The following ROR1 variants were observed in gnomAD, a reference collection of about 807,000 sequenced individuals.
ROR1 encodes the protein ROR family WNT receptor 1, also known as inactive tyrosine-protein kinase transmembrane receptor ROR1.
Under a neutral mutation model 78.8 loss-of-function variants are expected in ROR1, and 19 were observed. The ratio of observed to expected loss-of-function variants is 0.24; its 90% confidence interval spans 0.17 to 0.35. The LOEUF is 0.35. Ranked by LOEUF, ROR1 falls within the 10% of genes least tolerant of loss-of-function variation. The pLI is 1.00. For missense variants in ROR1, 917 were observed against 1,177.8 expected (o/e 0.78, Z 3.24); for synonymous variants, 386 against 433.6 (o/e 0.89, Z 1.36).
chr1:64,073,534 C>CT (rs138617058), intron 4 of ROR1, among the ~76,000 whole-genome samples: 1,906 of 152,272 alleles, frequency 0.013, 49 homozygotes, highest in African/African-American at 0.044. Context: ...TTTTCTTCCC[C>CT]TGAGAGTTTC....
At chr1:63,967,558 C>A (rs1646085469) in intron 1 of ROR1, among the ~76,000 whole-genome samples, 1 of 152,124 alleles carries the variant, frequency 6.6e-6, no homozygotes, top group Non-Finnish European at 1.5e-5. Flanking sequence ...CTCCTCTATC[C>A]CTACCACCAT....
chr1:63,901,450 T>C (rs117947342), intron 1 of ROR1, among the ~76,000 whole-genome samples: 6 of 152,216 alleles, frequency 3.9e-5, no homozygotes, highest in Non-Finnish European at 5.9e-5. Flanking sequence ...GTAATAGCAC[T>C]GTGCTCAAGG....
intron 1 of ROR1, among the ~76,000 whole-genome samples, chr1:63,913,118 T>C (rs991783235): frequency 3.3e-5 from 5 of 152,148 alleles, no homozygotes; most frequent in Admixed American, 6.6e-5. Context: ...ATTTAGCTTC[T>C]GGATTTTTCT....
chr1:63,800,158 C>G (rs1182133772), intron 1 of ROR1, among the ~76,000 whole-genome samples: 1 of 152,044 alleles, frequency 6.6e-6, no homozygotes. Context: ...CCAGGGTTAC[C>G]CTGGGTCCAT....
At chr1:64,039,313 G>A (rs1646727338) in intron 2 of ROR1, among the ~76,000 whole-genome samples, 2 of 152,160 alleles carry the variant, frequency 1.3e-5, no homozygotes, top group Admixed American at 6.5e-5. Flanking sequence ...GCACACAAAG[G>A]GATTCTGGTC....
In ROR1 at chr1:63,945,652, C is replaced by T. The variant is rs1420580544; in HGVS notation, c.92-63653C>T. On this transcript the variant is annotated intron_variant, in intron 1 of 8. Transcript: ENST00000371079. ...CATCAAACATACCCAGCAGGGTTGT[C>T]CTGGTTCTACACTTATTTGGCCCTT... 2.0e-5 allele frequency among the ~76,000 whole-genome samples: 3 copies of T among 152,190 alleles called. No homozygotes were observed. In the South Asian group the frequency reaches 6.2e-4, roughly 32 times the overall value.
intron 4 of ROR1, among the ~76,000 whole-genome samples, chr1:64,066,419 G>A (rs763511717): frequency 6.6e-6 from 1 of 150,784 alleles, no homozygotes; most frequent in African/African-American, 2.4e-5. Flanking sequence ...CCAAGTTCAC[G>A]CCATTCTCCT....
intron 1 of ROR1, among the ~76,000 whole-genome samples, chr1:63,879,191 T>G (rs1645307762): frequency 6.6e-6 from 1 of 152,120 alleles, no homozygotes; most frequent in South Asian, 2.1e-4. Context: ...GCAGATGACT[T>G]GGTTCCTATT....
At chr1:64,068,041 T>C (rs1368635788) in intron 4 of ROR1, among the ~76,000 whole-genome samples, 11 of 152,174 alleles carry the variant, frequency 7.2e-5, no homozygotes, top group African/African-American at 2.7e-4. Flanking sequence ...ATTGCATAAA[T>C]TGAAAAGCAA....
chr1:64,082,337 G>A (rs1647110004), intron 4 of ROR1, among the ~76,000 whole-genome samples: 1 of 152,168 alleles, frequency 6.6e-6, no homozygotes, highest in Admixed American at 6.5e-5. Context: ...ATTAAGGGTT[G>A]TAAATTACAT....
intron 1 of ROR1, among the ~76,000 whole-genome samples, chr1:63,902,526 G>A (rs1388084454): frequency 3.3e-5 from 5 of 151,824 alleles, no homozygotes; most frequent in African/African-American, 1.2e-4. Context: ...GGACCCACCA[G>A]GATTCCCAGG....
intron 2 of ROR1, among the ~76,000 whole-genome samples, chr1:64,015,707 A>G (rs1168017892): frequency 1.3e-5 from 2 of 152,130 alleles, no homozygotes; most frequent in East Asian, 1.9e-4. Flanking sequence ...TGGCAAGCTG[A>G]TGAACAGTCT....
chr1:63,956,600 G>T (rs1645984511), intron 1 of ROR1, among the ~76,000 whole-genome samples: 1 of 152,140 alleles, frequency 6.6e-6, no homozygotes, highest in African/African-American at 2.4e-5. Flanking sequence ...TGTCTGAGGG[G>T]TCCTTAATAC....
chr1:64,100,585 C>T (rs1647488725), intron 4 of ROR1, among the ~76,000 whole-genome samples: 1 of 152,152 alleles, frequency 6.6e-6, no homozygotes, highest in Admixed American at 6.6e-5. Flanking sequence ...TACTTTATAT[C>T]AGCATCACTT....
At chr1:63,782,548 T>C (rs1279062639) in intron 1 of ROR1, among the ~76,000 whole-genome samples, 4 of 130,700 alleles carry the variant, frequency 3.1e-5, no homozygotes, top group African/African-American at 1.5e-4. Flanking sequence ...TTTGAGGTTT[T>C]TTTTTTTTGT....
At chr1:63,833,131 A>G (rs1405875227) in intron 1 of ROR1, among the ~76,000 whole-genome samples, 1 of 152,232 alleles carries the variant, frequency 6.6e-6, no homozygotes, top group Non-Finnish European at 1.5e-5. Context: ...GTGTTATAGC[A>G]GAACTGACTC....
intron 4 of ROR1, among the ~76,000 whole-genome samples, chr1:64,097,608 T>G (rs1170223764): frequency 6.6e-6 from 1 of 151,790 alleles, no homozygotes. Context: ...AGACAATGCT[T>G]TCTTTACCTA....
At chr1:64,076,628 G>A (rs1033526860) in intron 4 of ROR1, among the ~76,000 whole-genome samples, 3 of 152,176 alleles carry the variant, frequency 2.0e-5, no homozygotes, top group Admixed American at 2.0e-4. Flanking sequence ...GTGTGGTGTA[G>A]TGGAAGTCCA....
intron 1 of ROR1, among the ~76,000 whole-genome samples, chr1:63,934,260 T>C (rs1250562735): frequency 4.6e-5 from 7 of 152,158 alleles, no homozygotes; most frequent in Non-Finnish European, 1.0e-4. Context: ...GGCCTGGCTC[T>C]GAGCTAGACC....
Sources: gnomAD v4.1 joint callset for allele counts (sites outside exome capture counted in the v4.1 genomes callset) on GRCh38, gnomAD v4.1.1 for gene constraint, MANE v1.5 for transcripts, NCBI Gene and HGNC (gene_info 2026-07-23, HGNC 2026-07-21) for gene names.